The following PDS5A variants were observed in gnomAD, a reference collection of about 807,000 sequenced individuals.
PDS5A encodes the protein PDS5 cohesin associated factor A, also known as sister chromatid cohesion protein PDS5 homolog A.
A neutral mutation model predicts 167.1 loss-of-function variants in PDS5A; 42 were observed. The ratio of observed to expected loss-of-function variants is 0.25; its 90% confidence interval spans 0.20 to 0.33. The LOEUF is 0.33. Among genes scored for constraint, PDS5A ranks in the 10% least tolerant of loss-of-function variants. The pLI, the probability that PDS5A is intolerant of heterozygous loss-of-function variation, is 1.00. For synonymous variants in PDS5A, 553 were observed against 554.6 expected (o/e 1.00, Z 0.04); for missense variants, 1,033 against 1,605.9 (o/e 0.64, Z 6.10).
intron 14 of PDS5A, 111 bp from the exon 15 acceptor site, chr4:39,898,936 G>T (rs1339048986): frequency 1.4e-6 from 1 of 691,072 alleles, no homozygotes; most frequent in Non-Finnish European, 2.5e-6. Context: ...AAAAAATAAA[G>T]TTCATCACAG....
intron 32 of PDS5A, among the ~76,000 whole-genome samples, chr4:39,830,877 G>A (rs1419531062): frequency 2.0e-5 from 3 of 152,186 alleles, no homozygotes; most frequent in African/African-American, 4.8e-5. Context: ...TACCAAAAGA[G>A]GTGAAAAAGA....
chr4:39,890,334 T>A lies in PDS5A; in HGVS notation c.1801A>T (p.Lys601Ter). The A allele has an allele frequency of 6.3e-7, 1 of 1,583,456 alleles. No homozygotes were observed. The highest frequency in any genetic ancestry group is 8.6e-7 in the Non-Finnish European group (1 of 1,162,596). Residue 601 changes from lysine to a stop codon, truncating the protein, a stop_gained, in exon 17 of 33, where the codon AAG (lysine) becomes TAG (stop). Coordinates refer to ENST00000303538, the MANE Select transcript of PDS5A (RefSeq NM_001100399.2). LOFTEE classifies it high-confidence loss of function. Reference protein sequence around the residue: ...REIARKLANPKQPTNPFLEMV... With the variant: ...REIARKLANP ...TCTAGAAAAGGATTTGTTGGTTGCT[T>A]AGGATTTGCAAGTTTCCGGGCTATT...
intron 2 of PDS5A, among the ~76,000 whole-genome samples, chr4:39,962,015 A>G (rs1729520848): frequency 6.6e-6 from 1 of 150,970 alleles, no homozygotes; most frequent in Admixed American, 6.6e-5. Flanking sequence ...ATCCCTTCCT[A>G]CCCGCATTTC....
chr4:39,824,966 A>C lies in PDS5A; in HGVS notation c.*519T>G, dbSNP rs971588633. 2.0e-5 allele frequency: 3 copies of C among 152,722 alleles called. No homozygotes were observed. Among genetic ancestry groups the C allele is most frequent in the Non-Finnish European group, 4.4e-5 (3 of 68,082 alleles). The allele number at this position is 152,722 out of a possible 1,614,324, so 9.5% of individuals were successfully genotyped here. A position where few individuals can be genotyped will look rare whatever the true frequency, so the allele number is the denominator to read the frequency against. On this transcript the variant is annotated 3_prime_UTR_variant, in exon 33 of 33. Transcript: ENST00000303538. ...GAAAGAATTATACATAAAAGTTTCCAAAAGGAAAAACAAAGAAATATTTAA... is the reference window on the plus strand; with the variant it reads ...GAAAGAATTATACATAAAAGTTTCCCAAAGGAAAAACAAAGAAATATTTAA...
Position 39,950,877 on chromosome 4 carries a change from CACT to C in PDS5A, c.139-22716_139-22714del, listed in dbSNP as rs1252998621. On this transcript the variant is annotated intron_variant, in intron 2 of 32. Coordinates refer to ENST00000303538, the MANE Select transcript of PDS5A (RefSeq NM_001100399.2). The stretch of plus-strand genomic sequence containing the variant: ...TGCTGGTATTACTACAGGTGGGAGC[CACT>C]ATGCCCACCCTGAATTTTTTTTTGG... Among the ~76,000 whole-genome samples, 4 of 152,084 alleles carry C rather than the reference CACT, an allele frequency of 2.6e-5. No homozygotes were observed. In the East Asian group the frequency reaches 7.7e-4, roughly 29 times the overall value.
At chr4:39,857,226 C>T (rs1718600201) in intron 26 of PDS5A, among the ~76,000 whole-genome samples, 1 of 151,888 alleles carries the variant, frequency 6.6e-6, no homozygotes, top group African/African-American at 2.4e-5. Context: ...GTGGCAGGTG[C>T]CTGTAGTCCC....
At chr4:39,974,637 C>G (rs1276514111) in intron 2 of PDS5A, among the ~76,000 whole-genome samples, 1 of 152,056 alleles carries the variant, frequency 6.6e-6, no homozygotes, top group African/African-American at 2.4e-5. Context: ...TTCCGCCTCC[C>G]GGGTTCAAGC....
chr4:39,875,530 GA>G (rs1720392901), intron 19 of PDS5A, among the ~76,000 whole-genome samples: 1 of 152,176 alleles, frequency 6.6e-6, no homozygotes, highest in African/African-American at 2.4e-5. Context: ...GCCCTCTTAT[GA>G]TAATGGAAGG....
intron 32 of PDS5A, among the ~76,000 whole-genome samples, chr4:39,834,848 C>T (rs1485581740): frequency 6.6e-6 from 1 of 152,210 alleles, no homozygotes; most frequent in Non-Finnish European, 1.5e-5. Context: ...CCGATTGAAA[C>T]TCCATCCCCA....
At chr4:39,832,511 A>G (rs1036560452) in intron 32 of PDS5A, among the ~76,000 whole-genome samples, 1 of 150,184 alleles carries the variant, frequency 6.7e-6, no homozygotes, top group African/African-American at 2.4e-5. Flanking sequence ...CTGGCTCAAA[A>G]TTTTTTTTTT....
intron 10 of PDS5A, among the ~76,000 whole-genome samples, chr4:39,909,111 CT>C (rs889527945): frequency 1.8e-5 from 2 of 111,782 alleles, no homozygotes; most frequent in African/African-American, 2.8e-5. Flanking sequence ...ACAGTTACAT[CT>C]TTTTTTTAAT....
Position 39,928,104 on chromosome 4 carries a change from G to A in PDS5A, c.199C>T (p.Leu67Phe), listed in dbSNP as rs772536251. Reference protein sequence around the residue: ...QDSEDEKQQYLPLALHLASEF... With the variant: ...QDSEDEKQQYFPLALHLASEF... ...GATGCAAGATGCAAGGCTAGTGGGA[G>A]ATACTGCTGTTTTTCATCTTCTGAG... Residue 67 changes from leucine (L) to phenylalanine (F), a missense_variant, in exon 3 of 33, where the codon CTC becomes TTC. This residue lies in a region of PDS5A where 388 missense variants were observed against 615.1 expected (regional missense o/e 0.63). Transcript: ENST00000303538. The A allele has an allele frequency of 6.2e-7, 1 of 1,613,082 alleles. No homozygotes were observed. Among genetic ancestry groups the A allele is most frequent in the African/African-American group, 1.3e-5 (1 of 75,000 alleles).
At chr4:39,935,816 A>G (rs1225435183) in intron 2 of PDS5A, among the ~76,000 whole-genome samples, 4 of 152,250 alleles carry the variant, frequency 2.6e-5, no homozygotes, top group African/African-American at 9.6e-5. Flanking sequence ...AGATAACTGT[A>G]TGGCAGTTCT....
chr4:39,869,083 A>G (rs1719794560), intron 22 of PDS5A, among the ~76,000 whole-genome samples: 1 of 152,252 alleles, frequency 6.6e-6, no homozygotes, highest in African/African-American at 2.4e-5. Context: ...ATAAACAATG[A>G]CAACCACAAT....
chr4:39,923,404 A>G (rs564899258), intron 5 of PDS5A, among the ~76,000 whole-genome samples: 1 of 152,004 alleles, frequency 6.6e-6, no homozygotes, highest in South Asian at 2.1e-4. Context: ...TCTTTACACA[A>G]CTAGGATTCC....
At position 39,838,171 on chromosome 4, in the gene PDS5A, C is replaced by G; in HGVS notation, c.3695G>C (p.Ser1232Thr). ...NSDQATQGNI[S>T]SDRGKKRTVT... ...TGTTCTTTTCTTTCCTCGGTCACTGCTGATGTTGCCCTGGGTAGCCTGATC... is the reference window on the plus strand; with the variant it reads ...TGTTCTTTTCTTTCCTCGGTCACTGGTGATGTTGCCCTGGGTAGCCTGATC... Residue 1232 changes from serine to threonine, a missense_variant, in exon 32 of 33, where the codon AGC (serine) becomes ACC (threonine). By Grantham distance (58) the Ser-to-Thr change is moderately conservative. This residue lies in a region of PDS5A where 233 missense variants were observed against 264.0 expected (regional missense o/e 0.88). Transcript: ENST00000303538. 6.2e-7 allele frequency: 1 copy of G among 1,610,856 alleles called. No individual in the cohort carries two copies. The highest frequency in any genetic ancestry group is 8.5e-7 in the Non-Finnish European group (1 of 1,178,546).
At chr4:39,941,778 C>A (rs1021571684) in intron 2 of PDS5A, among the ~76,000 whole-genome samples, 1 of 152,108 alleles carries the variant, frequency 6.6e-6, no homozygotes, top group Non-Finnish European at 1.5e-5. Flanking sequence ...ACCTCACAGG[C>A]AGGAGTGGTG....
Position 39,945,410 on chromosome 4 carries a change from G to A in PDS5A, c.139-17246C>T, listed in dbSNP as rs576016660. Among the ~76,000 whole-genome samples the A allele has an allele frequency of 6.4e-5, 9 of 139,998 alleles. No individual in the cohort carries two copies. In the South Asian group the frequency reaches 1.8e-3, roughly 28 times the overall value. The allele number at this position is 139,998 out of a possible 152,430, so 91.8% of individuals were successfully genotyped here. On this transcript the variant is annotated intron_variant, in intron 2 of 32. Coordinates refer to ENST00000303538, the MANE Select transcript of PDS5A (RefSeq NM_001100399.2). The stretch of plus-strand genomic sequence containing the variant: ...CGGGAAGTGGAGCTTGCAGTGAGCA[G>A]AGATCACGCCATTGCACTCCAGCCT...
chr4:39,963,176 C>T (rs1729656911), intron 2 of PDS5A, among the ~76,000 whole-genome samples: 1 of 151,754 alleles, frequency 6.6e-6, no homozygotes, highest in African/African-American at 2.4e-5. Flanking sequence ...AAAAATTAGG[C>T]CAGGCACAGT....
Sources: allele counts gnomAD v4.1 joint callset (sites outside exome capture counted in the v4.1 genomes callset), GRCh38; gene constraint gnomAD v4.1.1; regional missense constraint gnomAD v4.1.1; transcripts MANE v1.5; gene names NCBI Gene and HGNC (gene_info 2026-07-23, HGNC 2026-07-21).